Variants in TCAIM observed in about 807,000 individuals in gnomAD.
TCAIM encodes T-cell activation inhibitor, mitochondrial.
Under a neutral mutation model 58.6 loss-of-function variants are expected in TCAIM, and 36 were observed. The observed-to-expected ratio is 0.61, with a 90% CI of 0.47 to 0.81. TCAIM has a LOEUF of 0.81. Ranked by LOEUF, TCAIM falls within the 30% of genes least tolerant of loss-of-function variation. The pLI is 0.00. For synonymous variants in TCAIM, 172 were observed against 193.6 expected (o/e 0.89, Z 0.93); for missense variants, 466 against 579.6 (o/e 0.80, Z 2.01).
intron 5 of TCAIM, among the ~76,000 whole-genome samples, chr3:44,379,431 G>A (rs1277328584): frequency 6.6e-6 from 1 of 152,104 alleles, no homozygotes; most frequent in African/African-American, 2.4e-5. Context: ...TATCTTCATT[G>A]CAGCACTGTT....
rs187288139 is a variant in TCAIM at position 44,352,660 on chromosome 3, G to A, written c.-44-2079G>A. Among the ~76,000 whole-genome samples, 113 of 152,194 alleles carry A rather than the reference G, an allele frequency of 7.4e-4. 2 individuals carry two copies. The East Asian group carries it at 0.019, about 26-fold the overall frequency. On this transcript the variant is annotated intron_variant, in intron 1 of 10. Transcript: ENST00000342649. Reference sequence around the variant, plus strand: ...CACCCAAAGTCCATGCTTTACCTTAGGGTTCACTTGGTGTTGTCCATTCTA... The same window carrying A: ...CACCCAAAGTCCATGCTTTACCTTAAGGTTCACTTGGTGTTGTCCATTCTA...
At chr3:44,346,120 C>A (rs1277547102) in intron 1 of TCAIM, among the ~76,000 whole-genome samples, 1 of 152,146 alleles carries the variant, frequency 6.6e-6, no homozygotes, top group South Asian at 2.1e-4. Context: ...ATTGTCCAGT[C>A]CTTTTTAAGT....
chr3:44,383,347 C>A (rs4682973), intron 5 of TCAIM, among the ~76,000 whole-genome samples: 2 of 151,980 alleles, frequency 1.3e-5, no homozygotes, highest in African/African-American at 2.4e-5. Flanking sequence ...TGATATACTC[C>A]TACAGTGGAA....
At chr3:44,347,001 A>G (rs1283226043) in intron 1 of TCAIM, among the ~76,000 whole-genome samples, 1 of 152,126 alleles carries the variant, frequency 6.6e-6, no homozygotes, top group African/African-American at 2.4e-5. Context: ...GAGTTTATAT[A>G]ATGGTTTAGT....
At chr3:44,341,241 C>T (rs1700849552) in intron 1 of TCAIM, 1 of 152,026 alleles carries the variant, frequency 6.6e-6, no homozygotes. Context: ...CTCCATGACC[C>T]AGAACACTGT....
intron 3 of TCAIM, chr3:44,359,593 C>T (rs1201802489): frequency 1.3e-5 from 2 of 152,172 alleles, no homozygotes; most frequent in Non-Finnish European, 2.9e-5. Context: ...GACATCCAGA[C>T]TTGGATGAGC....
chr3:44,396,254 G>A lies in TCAIM; in HGVS notation c.696-146G>A, dbSNP rs28539196. On this transcript the variant is annotated intron_variant, in intron 6 of 10. Coordinates refer to ENST00000342649, the MANE Select transcript of TCAIM (RefSeq NM_173826.4). ...GCTTTTTTAAAAATTAGCTAGCTTA[G>A]AAACATATGATCAATCAAAACATGT... The A allele has an allele frequency of 1.7e-4, 99 of 577,476 alleles. 1 individual carries two copies. In the East Asian group the frequency reaches 3.2e-3, roughly 18 times the overall value. The allele number at this position is 577,476 out of a possible 1,614,324, so 35.8% of individuals were successfully genotyped here.
intron 1 of TCAIM, among the ~76,000 whole-genome samples, chr3:44,346,431 T>C (rs935373772): frequency 7.2e-5 from 11 of 152,110 alleles, no homozygotes; most frequent in African/African-American, 2.7e-4. Context: ...TATTTTAGTT[T>C]CCTGACTCGG....
Position 44,372,030 on chromosome 3 carries a change from GA to G in TCAIM, c.572+4324del, listed in dbSNP as rs1701481460. 2.1e-5 allele frequency among the ~76,000 whole-genome samples: 3 copies of G among 140,546 alleles called. No individual in the cohort carries two copies. In the South Asian group the frequency reaches 7.1e-4, roughly 33 times the overall value. 92.2% of individuals were successfully genotyped at this position (140,546 alleles called of 152,430 possible). The stretch of plus-strand genomic sequence containing the variant: ...AGAGAGAAGGAAGGAAGGAAGGAAG[GA>G]AGGAAGGAAGGAAGGAAGGAAGGAA... On this transcript the variant is annotated intron_variant, in intron 5 of 10. Coordinates refer to ENST00000342649, the MANE Select transcript of TCAIM (RefSeq NM_173826.4).
intron 4 of TCAIM, among the ~76,000 whole-genome samples, chr3:44,366,665 A>G (rs932046666): frequency 1.3e-5 from 2 of 150,026 alleles, no homozygotes; most frequent in African/African-American, 2.5e-5. Context: ...ACGGGGTTTC[A>G]CTGTTTTAGC....
chr3:44,401,719 A>G (rs1423528755), intron 10 of TCAIM, among the ~76,000 whole-genome samples: 1 of 152,242 alleles, frequency 6.6e-6, no homozygotes, highest in African/African-American at 2.4e-5. Flanking sequence ...TTAAGTTGAG[A>G]AGAAAACTTA....
intron 1 of TCAIM, among the ~76,000 whole-genome samples, chr3:44,346,383 C>T (rs987378029): frequency 1.3e-5 from 2 of 152,136 alleles, no homozygotes; most frequent in Non-Finnish European, 2.9e-5. Context: ...GGAAAGGCGT[C>T]TACCCATCCA....
intron 4 of TCAIM, among the ~76,000 whole-genome samples, chr3:44,361,835 T>G (rs1701300517): frequency 3.9e-5 from 6 of 152,210 alleles, no homozygotes. Flanking sequence ...ATTCTCTTAT[T>G]TAGTCCTCTG....
At chr3:44,364,785 G>A (rs907401895) in intron 4 of TCAIM, among the ~76,000 whole-genome samples, 4 of 151,540 alleles carry the variant, frequency 2.6e-5, no homozygotes, top group Admixed American at 2.6e-4. Flanking sequence ...GTATTCGAAC[G>A]CAAACTGAAA....
At chr3:44,343,521 T>C (rs1474217813) in intron 1 of TCAIM, among the ~76,000 whole-genome samples, 1 of 152,228 alleles carries the variant, frequency 6.6e-6, no homozygotes, top group Non-Finnish European at 1.5e-5. Context: ...ATTACTGAGA[T>C]ACTTTCCATT....
intron 5 of TCAIM, among the ~76,000 whole-genome samples, chr3:44,369,683 T>G (rs1356080558): frequency 2.0e-5 from 3 of 152,250 alleles, no homozygotes; most frequent in African/African-American, 7.2e-5. Context: ...GTAAAATTCC[T>G]TAGTCTTTAG....
chr3:44,378,980 G>A (rs1049553968), intron 5 of TCAIM, among the ~76,000 whole-genome samples: 3 of 151,334 alleles, frequency 2.0e-5, no homozygotes, highest in Admixed American at 1.3e-4. Flanking sequence ...GCAACATGAC[G>A]AGACCCCTTC....
At chr3:44,407,320 T>C (rs1702115559) in intron 10 of TCAIM, 122 bp from the exon 11 acceptor site, 2 of 764,828 alleles carry the variant, frequency 2.6e-6, no homozygotes, top group South Asian at 6.3e-5. Flanking sequence ...GGTGGCATTT[T>C]CAGTGTTGTG....
At chr3:44,383,792 G>A (rs1489506277) in intron 5 of TCAIM, among the ~76,000 whole-genome samples, 1 of 115,384 alleles carries the variant, frequency 8.7e-6, no homozygotes, top group African/African-American at 3.4e-5. Flanking sequence ...GGGCAACATG[G>A]CAAGACCCTG....
Sources: allele counts gnomAD v4.1 joint callset (sites outside exome capture counted in the v4.1 genomes callset), GRCh38; gene constraint gnomAD v4.1.1; transcripts MANE v1.5; gene names NCBI Gene and HGNC (gene_info 2026-07-23, HGNC 2026-07-21).